PLAA: variants seen among roughly 807,000 people sequenced by gnomAD.
PLAA encodes the protein phospholipase A2 activating protein.
Under a neutral mutation model 84.1 loss-of-function variants are expected in PLAA, and 48 were observed. The observed-to-expected ratio is 0.57, with a 90% CI of 0.45 to 0.73. The LOEUF (loss-of-function observed/expected upper bound fraction) is 0.73, where lower values mean the gene tolerates loss of function less well. Ranked by LOEUF, PLAA falls within the 30% of genes least tolerant of loss-of-function variation. The pLI is 0.00. For missense variants in PLAA, 903 were observed against 954.7 expected (o/e 0.95, Z 0.71); for synonymous variants, 392 against 336.6 (o/e 1.16, Z -1.80).
chr9:26,930,542 T>C (rs2131402580), intron 2 of PLAA, among the ~76,000 whole-genome samples: 1 of 151,930 alleles, frequency 6.6e-6, no homozygotes, highest in African/African-American at 2.4e-5. Flanking sequence ...GTTGAACATG[T>C]AGGGTTAATG....
chr9:26,916,745 G>A (rs1440986810), intron 10 of PLAA: 1 of 939,200 alleles, frequency 1.1e-6, no homozygotes, highest in African/African-American at 1.8e-5. Context: ...AGACAGGTTA[G>A]GTAACTTGCC....
intron 1 of PLAA, among the ~76,000 whole-genome samples, chr9:26,940,656 T>C (rs1327352748): frequency 6.6e-6 from 1 of 152,232 alleles, no homozygotes; most frequent in Non-Finnish European, 1.5e-5. Flanking sequence ...TTATGTTTTG[T>C]GTATTGTATC....
At chr9:26,926,329 T>C (rs541874971) in intron 5 of PLAA, 64 bp downstream of exon 5, 4 of 1,080,088 alleles carry the variant, frequency 3.7e-6, no homozygotes, top group Non-Finnish European at 5.5e-6. Context: ...TCCCTCCATC[T>C]CACAAATGGG....
intron 13 of PLAA, chr9:26,907,598 A>C (rs7044910): frequency 0.071 from 30,535 of 428,122 alleles, 1,407 homozygotes; most frequent in Middle Eastern, 0.14. Flanking sequence ...CAACAAAAAA[A>C]CAAACTGGTG....
intron 8 of PLAA, among the ~76,000 whole-genome samples, chr9:26,919,752 G>A (rs1379821260): frequency 6.6e-6 from 1 of 152,128 alleles, no homozygotes; most frequent in Non-Finnish European, 1.5e-5. Flanking sequence ...TGAGGATGAA[G>A]GATGGATTAC....
At chr9:26,927,342 C>T (rs113090029) in intron 4 of PLAA, among the ~76,000 whole-genome samples, 184 of 151,992 alleles carry the variant, frequency 1.2e-3, no homozygotes, top group African/African-American at 4.1e-3. Context: ...AGGCTGATCT[C>T]GAACTCATGG....
At chr9:26,924,236 T>C (rs1824868542) in intron 6 of PLAA, among the ~76,000 whole-genome samples, 1 of 151,920 alleles carries the variant, frequency 6.6e-6, no homozygotes. Flanking sequence ...GCCCAAGCAA[T>C]CCTCCCACCT....
chr9:26,930,984 AACAGG>A (rs770184087), intron 2 of PLAA, among the ~76,000 whole-genome samples: 7 of 152,238 alleles, frequency 4.6e-5, no homozygotes, highest in Non-Finnish European at 1.0e-4. Context: ...GAAAAAAAAA[AACAGG>A]ACTTCTTGGC....
intron 2 of PLAA, among the ~76,000 whole-genome samples, chr9:26,932,528 T>G (rs897367752): frequency 6.6e-6 from 1 of 152,196 alleles, no homozygotes; most frequent in African/African-American, 2.4e-5. Flanking sequence ...AACTGCAGAG[T>G]TGAGCAGTTA....
chr9:26,923,699 G>A (rs1473312834), intron 6 of PLAA, among the ~76,000 whole-genome samples: 7 of 152,000 alleles, frequency 4.6e-5, no homozygotes, highest in Non-Finnish European at 8.8e-5. Context: ...GTTTATAAAG[G>A]GCTCAAAGAC....
chr9:26,920,083 A>G (rs1824708646), intron 8 of PLAA, 144 bp downstream of exon 8: 2 of 613,470 alleles, frequency 3.3e-6, no homozygotes, highest in African/African-American at 3.7e-5. Flanking sequence ...CTATTTCAAG[A>G]CAGGGAAAAA....
intron 12 of PLAA, among the ~76,000 whole-genome samples, chr9:26,908,242 A>G (rs1451676430): frequency 7.0e-6 from 1 of 143,020 alleles, no homozygotes; most frequent in East Asian, 2.0e-4. Flanking sequence ...ATCTTGGCTC[A>G]CTGCAAGCTC....
At chr9:26,919,954 A>G (rs1259814510) in intron 8 of PLAA, among the ~76,000 whole-genome samples, 4 of 152,220 alleles carry the variant, frequency 2.6e-5, no homozygotes, top group African/African-American at 9.6e-5. Context: ...GTGGCACAGA[A>G]GCTCCCAATC....
At chr9:26,927,127 C>CCTTTTTTTTTT (rs1824997299) in intron 4 of PLAA, among the ~76,000 whole-genome samples, 2 of 136,784 alleles carry the variant, frequency 1.5e-5, no homozygotes, top group East Asian at 2.3e-4. Context: ...TTTTGTTTTT[C>CCTTTTTTTTTT]TTTTTTTTTT....
At chr9:26,918,827 G>A (rs987608646) in intron 9 of PLAA, among the ~76,000 whole-genome samples, 1 of 152,092 alleles carries the variant, frequency 6.6e-6, no homozygotes, top group Non-Finnish European at 1.5e-5. Flanking sequence ...ACTGGTATGA[G>A]CACCTAACTG....
At chr9:26,916,266 C>G (rs1405429621) in intron 10 of PLAA, 1 of 985,252 alleles carries the variant, frequency 1.0e-6, no homozygotes, top group African/African-American at 1.7e-5. Flanking sequence ...TACCTAAACG[C>G]TATGATCTCT....
intron 7 of PLAA, among the ~76,000 whole-genome samples, chr9:26,922,147 T>C (rs2131384662): frequency 6.6e-6 from 1 of 152,354 alleles, no homozygotes; most frequent in South Asian, 2.1e-4. Context: ...TATTTTGACT[T>C]ACTTTATGTC....
chr9:26,925,582 C>T (rs1824919237), intron 6 of PLAA, among the ~76,000 whole-genome samples: 1 of 152,118 alleles, frequency 6.6e-6, no homozygotes, highest in Admixed American at 6.5e-5. Flanking sequence ...CTTGACTGCA[C>T]AATTGCAGTA....
intron 7 of PLAA, among the ~76,000 whole-genome samples, chr9:26,922,644 C>A (rs1824806790): frequency 6.6e-6 from 1 of 151,526 alleles, no homozygotes. Flanking sequence ...CAACTCATTA[C>A]ACAGACAATG....
Sources: allele counts gnomAD v4.1 joint callset (sites outside exome capture counted in the v4.1 genomes callset), GRCh38; gene constraint gnomAD v4.1.1; transcripts MANE v1.5; gene names NCBI Gene and HGNC (gene_info 2026-07-23, HGNC 2026-07-21).